PARVB: variants seen among roughly 807,000 people sequenced by gnomAD.
PARVB encodes parvin beta.
A neutral mutation model predicts 47.0 loss-of-function variants in PARVB; 46 were observed. The ratio of observed to expected loss-of-function variants is 0.98; its 90% CI spans 0.77 to 1.25. The LOEUF (loss-of-function observed/expected upper bound fraction) is 1.25, where lower values mean the gene tolerates loss of function less well. Ranked by LOEUF, PARVB falls within the 50% of genes most tolerant of loss-of-function variation. The pLI, the probability that PARVB is intolerant of heterozygous loss-of-function variation, is 0.00. For synonymous variants in PARVB, 196 were observed against 196.3 expected, an observed-to-expected ratio of 1.00 and a Z score of 0.01; for missense variants, 473 against 471.6, an observed-to-expected ratio of 1.00 and a Z score of -0.03.
intron 1 of PARVB, among the ~76,000 whole-genome samples, chr22:44,038,132 C>G (rs6006481): frequency 0.31 from 46,750 of 152,248 alleles, 8,901 homozygotes; most frequent in African/African-American, 0.54. Flanking sequence ...GTGGGGGCCC[C>G]TCTTTGCCCA....
chr22:44,154,891 CTG>C (rs774233762), intron 10 of PARVB, among the ~76,000 whole-genome samples: 1 of 120,402 alleles, frequency 8.3e-6, no homozygotes, highest in Admixed American at 9.4e-5. Flanking sequence ...TTTTTGTAGT[CTG>C]TGTAGTGTGT....
At chr22:44,077,090 T>C (rs1389697565) in intron 1 of PARVB, among the ~76,000 whole-genome samples, 2 of 152,156 alleles carry the variant, frequency 1.3e-5, no homozygotes, top group Non-Finnish European at 2.9e-5. Flanking sequence ...TGTGCTAGTG[T>C]CCTGGGGCCA....
At chr22:44,066,276 G>T (rs769733978) in intron 1 of PARVB, among the ~76,000 whole-genome samples, 1 of 152,180 alleles carries the variant, frequency 6.6e-6, no homozygotes, top group Non-Finnish European at 1.5e-5. Context: ...AAGCAGAGCC[G>T]GGGGATACTG....
intron 1 of PARVB, chr22:44,026,326 G>T: frequency 1.0e-6 from 1 of 985,540 alleles, no homozygotes; most frequent in Non-Finnish European, 1.2e-6. Flanking sequence ...GGGCGTGGAG[G>T]CAGGAGGAGG....
At chr22:44,144,146 C>T (rs995865373) in intron 8 of PARVB, 3 of 152,276 alleles carry the variant, frequency 2.0e-5, no homozygotes, top group Non-Finnish European at 2.9e-5. Context: ...CTTTCCTCCT[C>T]CTCTTGCCCC....
chr22:44,080,044 G>T (rs2147001279), intron 1 of PARVB, among the ~76,000 whole-genome samples: 1 of 152,364 alleles, frequency 6.6e-6, no homozygotes, highest in South Asian at 2.1e-4. Flanking sequence ...CACAGTGTTG[G>T]TCAGATGCGT....
intron 2 of PARVB, among the ~76,000 whole-genome samples, chr22:44,098,074 T>C (rs1479772855): frequency 6.6e-6 from 1 of 152,054 alleles, no homozygotes; most frequent in Admixed American, 6.6e-5. Context: ...GAATCTTGCT[T>C]CTCCTCAGTT....
At chr22:43,999,350 G>A (rs779995106) in exon 1 of PARVB, 5 of 1,607,760 alleles carry the variant, frequency 3.1e-6, no homozygotes, top group Non-Finnish European at 3.4e-6. Context: ...AATGCACCAT[G>A]TGTTTAAAGA....
intron 2 of PARVB, among the ~76,000 whole-genome samples, chr22:44,098,045 A>G (rs868623729): frequency 2.0e-5 from 3 of 152,232 alleles, no homozygotes; most frequent in African/African-American, 7.2e-5. Flanking sequence ...TGTGGGGGCC[A>G]CATGAGCTGG....
intron 1 of PARVB, among the ~76,000 whole-genome samples, chr22:44,091,160 A>G (rs2147036465): frequency 6.6e-6 from 1 of 152,174 alleles, no homozygotes; most frequent in Non-Finnish European, 1.5e-5. Context: ...TTGGAAATTC[A>G]AGGATGAGTG....
intron 10 of PARVB, among the ~76,000 whole-genome samples, chr22:44,154,732 GGT>G (rs1261871375): frequency 1.4e-5 from 2 of 144,512 alleles, no homozygotes; most frequent in Non-Finnish European, 3.0e-5. Context: ...TAGTCTGTGT[GGT>G]GTGTGTGTGG....
chr22:44,024,988 A>G (rs899889442), intron 1 of PARVB, among the ~76,000 whole-genome samples: 1 of 152,026 alleles, frequency 6.6e-6, no homozygotes, highest in African/African-American at 2.4e-5. Context: ...TAAATTTTTT[A>G]CTGCGTGTGC....
Position 44,012,927 on chromosome 22 carries a change from C to A in PARVB, c.211+13254C>A, listed in dbSNP as rs559709857. Among the ~76,000 whole-genome samples the A allele has an allele frequency of 5.3e-5, 8 of 151,552 alleles. No individual in the cohort carries two copies. In the Middle Eastern group the frequency reaches 0.01, roughly 193 times the overall value. On this transcript the variant is annotated intron_variant, in intron 2 of 13. Transcript: ENST00000406477. ...TTTTTTAACTTTTTTGAGACAGTCT[C>A]GCTCTGTCACCCAGGCTGGAGTGCA...
At chr22:44,116,795 C>G (rs1045774096) in intron 3 of PARVB, among the ~76,000 whole-genome samples, 2 of 152,050 alleles carry the variant, frequency 1.3e-5, no homozygotes, top group African/African-American at 2.4e-5. Context: ...GGAGGAAGTG[C>G]TGCTCAGGTA....
chr22:44,058,990 A>G (rs2051368725), intron 1 of PARVB, among the ~76,000 whole-genome samples: 1 of 147,010 alleles, frequency 6.8e-6, no homozygotes, highest in African/African-American at 2.5e-5. Flanking sequence ...TGGGGGGGGG[A>G]AACAGAAGCA....
chr22:44,056,032 G>A (rs2051304281), intron 1 of PARVB, among the ~76,000 whole-genome samples: 1 of 152,242 alleles, frequency 6.6e-6, no homozygotes, highest in Non-Finnish European at 1.5e-5. Context: ...CTAGTCAGCA[G>A]GCCCTGCCCC....
At chr22:44,117,411 G>A (rs1569664) in intron 3 of PARVB, among the ~76,000 whole-genome samples, 56,306 of 151,332 alleles carry the variant, frequency 0.37, 10,736 homozygotes, top group Middle Eastern at 0.5. Flanking sequence ...CAGCTCTTTG[G>A]GAACTGAGGG....
chr22:44,126,926 T>C (rs2053197708), intron 4 of PARVB, among the ~76,000 whole-genome samples: 1 of 152,336 alleles, frequency 6.6e-6, no homozygotes, highest in South Asian at 2.1e-4. Flanking sequence ...TGGTTGCCTG[T>C]AAACCATGCC....
chr22:44,145,700 C>T (rs1346701699), intron 8 of PARVB: 1 of 152,192 alleles, frequency 6.6e-6, no homozygotes, highest in Admixed American at 6.5e-5. Flanking sequence ...GACGTGATGC[C>T]AGTCCCCTGG....
Sources: allele counts gnomAD v4.1 joint callset (sites outside exome capture counted in the v4.1 genomes callset), GRCh38; gene constraint gnomAD v4.1.1; transcripts MANE v1.5; gene names NCBI Gene and HGNC (gene_info 2026-07-23, HGNC 2026-07-21).